The following MYMK variants were observed in gnomAD, a reference collection of about 807,000 sequenced individuals.
MYMK encodes the protein myomaker, myoblast fusion factor.
A neutral mutation model predicts 22.4 loss-of-function variants in MYMK; 16 were observed. The ratio of observed to expected loss-of-function variants is 0.72; its 90% CI spans 0.48 to 1.09. MYMK has a LOEUF of 1.09. Among genes scored for constraint, MYMK ranks in the 50% least tolerant of loss-of-function variants. MYMK has a pLI of 0.00. For synonymous variants in MYMK, 125 were observed against 127.0 expected (o/e 0.98, Z 0.11); for missense variants, 250 against 295.6 (o/e 0.85, Z 1.13).
In MYMK at chr9:133,515,672, A is replaced by G; in HGVS notation, c.400-65T>C. 1.8e-6 allele frequency: 2 copies of G among 1,107,738 alleles called. No homozygotes were observed. Among genetic ancestry groups the G allele is most frequent in the South Asian group, 1.3e-5 (1 of 79,752 alleles). 68.6% of individuals were successfully genotyped at this position (1,107,738 alleles called of 1,614,324 possible). ...AGCACTGGGGAACGCCCCTCCCCAA[A>G]CCAGCCCGAGAGCTGGCCCTGCACA... On this transcript the variant is annotated intron_variant, in intron 3 of 4. Coordinates refer to ENST00000339996, the MANE Select transcript of MYMK (RefSeq NM_001080483.3). This position sits in a 1 kb window ranked among gnomAD's most constrained non-coding sequence, Gnocchi z 5.8.
chr9:133,515,331 C>T lies in MYMK; in HGVS notation c.516+160G>A, dbSNP rs1844617778. Among the ~76,000 whole-genome samples, 1 of 152,226 alleles carries T rather than the reference C, an allele frequency of 6.6e-6. No homozygotes were observed. The highest frequency in any genetic ancestry group is 1.5e-5 in the Non-Finnish European group (1 of 68,034). On this transcript the variant is annotated intron_variant, in intron 4 of 4. Coordinates refer to ENST00000339996, the MANE Select transcript of MYMK (RefSeq NM_001080483.3). This position sits in a 1 kb window ranked among gnomAD's most constrained non-coding sequence, Gnocchi z 5.8. The stretch of plus-strand genomic sequence containing the variant: ...GTGCTGGGGACGGCATTGCCCCCGA[C>T]ATAGCCCTGGGAGGGGCTAGTGAGC...
rs140245731 is a variant in MYMK at position 133,517,666 on chromosome 9, CA to C, written c.399+1207del. Among the ~76,000 whole-genome samples, 988 of 120,558 alleles carry C rather than the reference CA, an allele frequency of 8.2e-3. 9 individuals are homozygous for C. Among genetic ancestry groups the C allele is most frequent in the African/African-American group, 0.027 (828 of 31,080 alleles). The allele number at this position is 120,558 out of a possible 152,430, so 79.1% of individuals were successfully genotyped here. ...GGGTGACAAGAGCAAAACTCCGTCT[CA>C]AAAAAAAAAAAAAAAAAGTCAGGTT... On this transcript the variant is annotated intron_variant, in intron 3 of 4. Coordinates refer to ENST00000339996, the MANE Select transcript of MYMK (RefSeq NM_001080483.3).
In MYMK at chr9:133,515,472, TC is replaced by T. The variant is rs1564483552; in HGVS notation, c.516+18del. On this transcript the variant is annotated intron_variant, in intron 4 of 4. Coordinates refer to ENST00000339996, the MANE Select transcript of MYMK (RefSeq NM_001080483.3). The surrounding 1 kb of genome is among the most constrained non-coding windows in gnomAD (Gnocchi z 5.8). ...AGTGGGCTCTGGGGCACAGGACACCTCCCCGCTGGGCTTGGTACCTCAAAGA... is the reference window on the plus strand; with the variant it reads ...AGTGGGCTCTGGGGCACAGGACACCTCCCGCTGGGCTTGGTACCTCAAAGA... 2 of 1,548,892 alleles carry T rather than the reference TC, an allele frequency of 1.3e-6. No homozygotes were observed. The highest frequency in any genetic ancestry group is 1.7e-4 in the Middle Eastern group (1 of 5,934).
intron 1 of MYMK, among the ~76,000 whole-genome samples, chr9:133,523,917 C>T (rs144603823): frequency 2.6e-5 from 4 of 151,340 alleles, no homozygotes; most frequent in Non-Finnish European, 4.4e-5. Flanking sequence ...AAAACCAATA[C>T]GAGAAACACA....
At chr9:133,519,195 C>T (rs1005897629) in intron 2 of MYMK, among the ~76,000 whole-genome samples, 173 bp from the exon 3 acceptor site, 6 of 151,864 alleles carry the variant, frequency 4.0e-5, no homozygotes. Flanking sequence ...GAATTCCAGC[C>T]AGTTTGAGAG....
chr9:133,524,870 G>A lies in MYMK; in HGVS notation c.-26C>T, dbSNP rs1844740405. On this transcript the variant is annotated 5_prime_UTR_variant, in exon 1 of 5. Transcript: ENST00000339996. Reference sequence around the variant, plus strand: ...GGGCCAGGAGGAAAGCACTGGCTGGGGTGGGGAGGGTGCTGGTGTCCCAGG... The same window carrying A: ...GGGCCAGGAGGAAAGCACTGGCTGGAGTGGGGAGGGTGCTGGTGTCCCAGG... 1 of 1,583,934 alleles carries A rather than the reference G, an allele frequency of 6.3e-7. No individual in the cohort carries two copies. The highest frequency in any genetic ancestry group is 1.3e-5 in the African/African-American group (1 of 74,336).
chr9:133,523,917 C>A (rs144603823), intron 1 of MYMK, among the ~76,000 whole-genome samples: 81 of 151,340 alleles, frequency 5.4e-4, no homozygotes, highest in African/African-American at 1.9e-3. Flanking sequence ...AAAACCAATA[C>A]GAGAAACACA....
chr9:133,517,540 C>T (rs1844645511), intron 3 of MYMK, among the ~76,000 whole-genome samples: 1 of 152,132 alleles, frequency 6.6e-6, no homozygotes, highest in African/African-American at 2.4e-5. Context: ...ATGGCATGCG[C>T]CTATAATCCC....
At chr9:133,520,374 C>T in intron 1 of MYMK, 86 bp from the exon 2 acceptor site, 2 of 1,048,296 alleles carry the variant, frequency 1.9e-6, no homozygotes, top group Non-Finnish European at 2.9e-6. Flanking sequence ...AGGTCACTTG[C>T]TGGCTGTGAG....
In MYMK at chr9:133,515,584, C is replaced by T. The variant is rs779294449; in HGVS notation, c.423G>A (p.Lys141=). 1 of 1,613,568 alleles carries T rather than the reference C, an allele frequency of 6.2e-7. No individual in the cohort carries two copies. Among genetic ancestry groups the T allele is most frequent in the Admixed American group, 1.7e-5 (1 of 59,998 alleles). The change falls in exon 4 of 5, where the codon AAG becomes AAA. Residue 141 remains lysine, a synonymous_variant. Transcript: ENST00000339996. This position sits in a 1 kb window ranked among gnomAD's most constrained non-coding sequence, Gnocchi z 5.8. ...AKWLQKMKEK[K]GLYPDKSVYT... ...AGACGCTCTTGTCTGGGTACAGGCC[C>T]TTCTTCTCCTTCATCTTCTGTAGCT...
chr9:133,515,710 C>A lies in MYMK; in HGVS notation c.400-103G>T. ...CTGGCCCTGCACAGGCTCACCCCAG[C>A]CCTCTCCCGGCAGGAGAGGAGGCTC... On this transcript the variant is annotated intron_variant, in intron 3 of 4. Transcript: ENST00000339996. This position sits in a 1 kb window ranked among gnomAD's most constrained non-coding sequence, Gnocchi z 5.8. The A allele has an allele frequency of 1.4e-6, 1 of 736,178 alleles. No individual in the cohort carries two copies. Among genetic ancestry groups the A allele is most frequent in the Non-Finnish European group, 2.3e-6 (1 of 425,910 alleles). The allele number at this position is 736,178 out of a possible 1,614,324, so 45.6% of individuals were successfully genotyped here. A position where few individuals can be genotyped will look rare whatever the true frequency, so the allele number is the denominator to read the frequency against.
At position 133,524,342 on chromosome 9, in the gene MYMK, C is replaced by T. The variant is rs1034701182; in HGVS notation, c.135+368G>A. Among the ~76,000 whole-genome samples, 7 of 152,058 alleles carry T rather than the reference C, an allele frequency of 4.6e-5. No homozygotes were observed. The East Asian group carries it at 1.3e-3, about 29-fold the overall frequency. ...TCCATCGTGGCCTATGGGTAGAGCT[C>T]GAAGAGAGGTGGGGAGGGGAGGTGG... is the stretch of plus-strand genomic sequence containing the variant. On this transcript the variant is annotated intron_variant, in intron 1 of 4. Coordinates refer to ENST00000339996, the MANE Select transcript of MYMK (RefSeq NM_001080483.3).
intron 1 of MYMK, among the ~76,000 whole-genome samples, chr9:133,523,193 A>C (rs1015678215): frequency 2.0e-5 from 3 of 152,234 alleles, no homozygotes; most frequent in African/African-American, 7.2e-5. Flanking sequence ...GGACTTGACC[A>C]ATTCAGGATA....
Position 133,518,607 on chromosome 9 carries a change from C to A in MYMK, c.399+267G>T, listed in dbSNP as rs192504947. 1.7e-3 allele frequency among the ~76,000 whole-genome samples: 254 copies of A among 152,342 alleles called. 1 individual carries two copies. Among genetic ancestry groups the A allele is most frequent in the African/African-American group, 5.5e-3 (228 of 41,578 alleles). On this transcript the variant is annotated intron_variant, in intron 3 of 4. Transcript: ENST00000339996. ...CAGGCAGGGGGCTGTAATGACAACA[C>A]CTGCTTTACAGGTACGGGCGTGGAG... is the stretch of plus-strand genomic sequence containing the variant.
intron 3 of MYMK, among the ~76,000 whole-genome samples, chr9:133,517,150 G>A (rs778851323): frequency 9.2e-5 from 14 of 152,166 alleles, no homozygotes; most frequent in Non-Finnish European, 1.6e-4. Flanking sequence ...CAAGACCAGC[G>A]GGAGGAGCAA....
chr9:133,519,075 C>T, intron 2 of MYMK, 53 bp from the exon 3 acceptor site: 1 of 1,605,888 alleles, frequency 6.2e-7, no homozygotes, highest in South Asian at 1.1e-5. Flanking sequence ...CTTGCTCCTC[C>T]TGGCTACCCC....
At position 133,515,459 on chromosome 9, in the gene MYMK, G is replaced by A. The variant is rs752521736; in HGVS notation, c.516+32C>T. ...CAGAGCCATGCCGAGTGGGCTCTGG[G>A]GCACAGGACACCTCCCCGCTGGGCT... On this transcript the variant is annotated intron_variant, in intron 4 of 4. Transcript: ENST00000339996. The surrounding 1 kb of genome is among the most constrained non-coding windows in gnomAD (Gnocchi z 5.8). The A allele has an allele frequency of 4.8e-6, 7 of 1,450,208 alleles. No individual in the cohort carries two copies. In the African/African-American group the frequency reaches 8.4e-5, roughly 17 times the overall value. The allele number at this position is 1,450,208 out of a possible 1,614,324, so 89.8% of individuals were successfully genotyped here. A position where few individuals can be genotyped will look rare whatever the true frequency, so the allele number is the denominator to read the frequency against.
intron 1 of MYMK, among the ~76,000 whole-genome samples, chr9:133,520,692 G>T (rs771634093): frequency 3.9e-5 from 6 of 152,198 alleles, no homozygotes; most frequent in Non-Finnish European, 7.3e-5. Flanking sequence ...CTTCCTTGAA[G>T]CACACAGCTG....
rs1844686237 is a variant in MYMK, at chr9:133,520,272, T to C, written c.152A>G (p.Asn51Ser). The stretch of plus-strand genomic sequence containing the variant: ...GCACAGCACAGACAAGCCGGGTCCA[T>C]TGCAGGCATGGTGGAGCTGCCAGAA... ...LFFVALHHAC[N>S]GPGLSVLCFM... Residue 51 changes from asparagine (N) to serine (S), a missense_variant, in exon 2 of 5, where the codon AAT (asparagine) becomes AGT (serine). Physicochemically the swap from Asn to Ser is conservative, Grantham distance 46. Coordinates refer to ENST00000339996, the MANE Select transcript of MYMK (RefSeq NM_001080483.3). 1 of 1,614,110 alleles carries C rather than the reference T, an allele frequency of 6.2e-7. No homozygotes were observed.
Sources: allele counts gnomAD v4.1 joint callset (sites outside exome capture counted in the v4.1 genomes callset), GRCh38; gene constraint gnomAD v4.1.1; non-coding constraint Gnocchi (gnomAD v3.1); transcripts MANE v1.5; gene names NCBI Gene and HGNC (gene_info 2026-07-23, HGNC 2026-07-21).